CDH12: variants seen among roughly 807,000 people sequenced by gnomAD.
The protein encoded by CDH12 is cadherin 12.
In CDH12, 41 loss-of-function variants were observed where a neutral mutation model predicts 74.1. That is an observed-to-expected ratio of 0.55 (90% confidence interval 0.43 to 0.72). The LOEUF is 0.72. CDH12 is among the 30% of genes least tolerant of loss of function. The probability of loss-of-function intolerance (pLI) is 0.00; values close to 1 mark genes in which losing one functional copy is unlikely to be tolerated. For synonymous variants in CDH12, 399 were observed against 355.0 expected, an observed-to-expected ratio of 1.12 and a Z score of -1.39; for missense variants, 945 against 977.2, an observed-to-expected ratio of 0.97 and a Z score of 0.44.
At chr5:22,693,101 T>G (rs1380067791) in intron 1 of CDH12, among the ~76,000 whole-genome samples, 2 of 152,176 alleles carry the variant, frequency 1.3e-5, no homozygotes, top group Admixed American at 1.3e-4. Flanking sequence ...TCTTCCTGCT[T>G]CAGCATCCAG....
At chr5:21,792,516 A>G (rs1579710510) in intron 10 of CDH12, among the ~76,000 whole-genome samples, 1 of 151,728 alleles carries the variant, frequency 6.6e-6, no homozygotes, top group East Asian at 1.9e-4. Flanking sequence ...AAGAAGAAGA[A>G]ATATACCATA....
intron 2 of CDH12, among the ~76,000 whole-genome samples, chr5:22,418,455 TGCCCTG>T (rs1470221795): frequency 6.6e-6 from 1 of 152,210 alleles, no homozygotes; most frequent in African/African-American, 2.4e-5. Flanking sequence ...CTTGCCTGAT[TGCCCTG>T]GCCAGAACTT....
intron 8 of CDH12, among the ~76,000 whole-genome samples, chr5:21,841,063 A>G (rs1749817874): frequency 6.6e-6 from 1 of 152,196 alleles, no homozygotes; most frequent in African/African-American, 2.4e-5. Flanking sequence ...CATCAGAGTG[A>G]ACAGGCAACC....
intron 4 of CDH12, among the ~76,000 whole-genome samples, chr5:22,146,316 A>G (rs1228962019): frequency 2.6e-5 from 4 of 152,096 alleles, no homozygotes; most frequent in African/African-American, 4.8e-5. Context: ...AAAAAGGTTA[A>G]TCTTTTAACA....
intron 9 of CDH12, among the ~76,000 whole-genome samples, chr5:21,808,987 A>T (rs939095353): frequency 2.0e-5 from 3 of 152,066 alleles, no homozygotes; most frequent in Non-Finnish European, 4.4e-5. Context: ...GCTTATAAGA[A>T]ACATATAATT....
chr5:21,886,876 G>A (rs1472127731), intron 6 of CDH12, among the ~76,000 whole-genome samples: 1 of 151,808 alleles, frequency 6.6e-6, no homozygotes, highest in Non-Finnish European at 1.5e-5. Context: ...ATGATCTTTG[G>A]TTTTTGGCAC....
At chr5:22,183,242 G>A (rs1419494275) in intron 4 of CDH12, among the ~76,000 whole-genome samples, 1 of 151,002 alleles carries the variant, frequency 6.6e-6, no homozygotes, top group South Asian at 2.1e-4. Context: ...CATTCAAGGA[G>A]AGACTGGTGA....
intron 6 of CDH12, among the ~76,000 whole-genome samples, chr5:21,872,894 C>CATCTATCTATCTGTCT (rs1554039683): frequency 6.8e-6 from 1 of 146,750 alleles, no homozygotes; most frequent in Non-Finnish European, 1.5e-5. Context: ...ACCTATCATC[C>CATCTATCTATCTGTCT]ATCTATCTAT....
chr5:22,756,033 AT>A (rs1024524398), intron 1 of CDH12, among the ~76,000 whole-genome samples: 7 of 149,950 alleles, frequency 4.7e-5, no homozygotes, highest in Non-Finnish European at 1.0e-4. Flanking sequence ...CCCCTGAAAA[AT>A]TCCTTCTTTA....
At chr5:22,273,839 A>C (rs997865459) in intron 3 of CDH12, among the ~76,000 whole-genome samples, 2 of 152,182 alleles carry the variant, frequency 1.3e-5, no homozygotes, top group African/African-American at 4.8e-5. Context: ...ACTCAAAAGC[A>C]AAACTTAAAA....
intron 4 of CDH12, among the ~76,000 whole-genome samples, chr5:22,113,252 G>A (rs1257609289): frequency 6.6e-6 from 1 of 152,012 alleles, no homozygotes; most frequent in African/African-American, 2.4e-5. Flanking sequence ...GTCCTTTGTG[G>A]GGGAAAAATT....
intron 4 of CDH12, chr5:22,152,479 T>C (rs1281678699): frequency 1.3e-5 from 2 of 152,158 alleles, no homozygotes; most frequent in Admixed American, 6.5e-5. Flanking sequence ...AGGATAATGA[T>C]TACATGTGTT....
At chr5:22,766,656 T>G (rs774636749) in intron 1 of CDH12, among the ~76,000 whole-genome samples, 6 of 152,136 alleles carry the variant, frequency 3.9e-5, no homozygotes, top group Non-Finnish European at 8.8e-5. Flanking sequence ...TCCACATCTG[T>G]GCATTCAACC....
At chr5:22,316,191 A>C (rs1290326596) in intron 3 of CDH12, among the ~76,000 whole-genome samples, 1 of 151,886 alleles carries the variant, frequency 6.6e-6, no homozygotes, top group Non-Finnish European at 1.5e-5. Context: ...TCCAATACAT[A>C]CTAATCTAAG....
At chr5:22,825,236 G>A (rs188662310) in intron 1 of CDH12, among the ~76,000 whole-genome samples, 1 of 152,000 alleles carries the variant, frequency 6.6e-6, no homozygotes, top group Non-Finnish European at 1.5e-5. Context: ...ATGTGTGTGT[G>A]TGTACATTTG....
At chr5:22,767,090 T>C (rs748550981) in intron 1 of CDH12, among the ~76,000 whole-genome samples, 1 of 152,090 alleles carries the variant, frequency 6.6e-6, no homozygotes, top group Non-Finnish European at 1.5e-5. Context: ...ATGATTAGAA[T>C]GTTGGCAAAA....
intron 1 of CDH12, among the ~76,000 whole-genome samples, chr5:22,560,967 A>C (rs369309535): frequency 1.2e-3 from 184 of 152,300 alleles, no homozygotes; most frequent in African/African-American, 4.4e-3. Flanking sequence ...TTACAGAAAG[A>C]GACAAAAAAG....
intron 1 of CDH12, among the ~76,000 whole-genome samples, chr5:22,723,395 A>C (rs1278407303): frequency 3.3e-5 from 5 of 152,152 alleles, no homozygotes; most frequent in Admixed American, 3.3e-4. Flanking sequence ...TAATGTGCCC[A>C]ATGTAACAGA....
At chr5:22,098,592 C>A (rs1189586184) in intron 4 of CDH12, among the ~76,000 whole-genome samples, 1 of 152,150 alleles carries the variant, frequency 6.6e-6, no homozygotes, top group African/African-American at 2.4e-5. Flanking sequence ...TTTCTTCCTC[C>A]CACCTGACAC....
Sources: allele counts gnomAD v4.1 joint callset (sites outside exome capture counted in the v4.1 genomes callset), GRCh38; gene constraint gnomAD v4.1.1; transcripts MANE v1.5; gene names NCBI Gene and HGNC (gene_info 2026-07-23, HGNC 2026-07-21).